KAZN: variants seen among roughly 807,000 people sequenced by gnomAD.
The protein encoded by KAZN is kazrin.
A neutral mutation model predicts 87.4 loss-of-function variants in KAZN; 40 were observed. The observed-to-expected ratio is 0.46, with a 90% CI of 0.36 to 0.60. The LOEUF (loss-of-function observed/expected upper bound fraction) is 0.60. Among genes scored for constraint, KAZN ranks in the 20% least tolerant of loss-of-function variants. The pLI is 0.00. For missense variants in KAZN, 898 were observed against 1,073.9 expected (o/e 0.84, Z 2.29); for synonymous variants, 466 against 458.3 (o/e 1.02, Z -0.22).
intron 2 of KAZN, among the ~76,000 whole-genome samples, chr1:14,325,132 C>T (rs1185471639): frequency 1.3e-5 from 2 of 152,170 alleles, no homozygotes; most frequent in East Asian, 3.9e-4. Context: ...ACCCCCACTA[C>T]CTCCACTAGC....
At chr1:14,303,188 C>A (rs1654681129) in intron 2 of KAZN, among the ~76,000 whole-genome samples, 2 of 152,254 alleles carry the variant, frequency 1.3e-5, no homozygotes, top group South Asian at 4.2e-4. Context: ...CTAGCTGTGT[C>A]AAAATCATCT....
intron 1 of KAZN, among the ~76,000 whole-genome samples, chr1:14,666,098 A>T (rs1639533858): frequency 6.6e-6 from 1 of 152,016 alleles, no homozygotes; most frequent in Non-Finnish European, 1.5e-5. Flanking sequence ...AGCAATATCT[A>T]TAATGACGGA....
intron 1 of KAZN, among the ~76,000 whole-genome samples, chr1:13,965,695 C>T (rs965165292): frequency 1.3e-5 from 2 of 152,152 alleles, no homozygotes; most frequent in African/African-American, 4.8e-5. Context: ...GAATTCACTC[C>T]GCAGCGACTT....
At chr1:14,825,943 G>T (rs772621758) in intron 1 of KAZN, among the ~76,000 whole-genome samples, 1 of 152,200 alleles carries the variant, frequency 6.6e-6, no homozygotes, top group Non-Finnish European at 1.5e-5. Context: ...AGGCCAGCAC[G>T]TAGCAGGTGC....
intron 1 of KAZN, among the ~76,000 whole-genome samples, chr1:14,635,040 G>T (rs762454038): frequency 1.3e-5 from 2 of 152,178 alleles, no homozygotes; most frequent in Non-Finnish European, 2.9e-5. Context: ...TGAGGGGGAA[G>T]GGAATGGTAC....
chr1:14,665,506 C>T (rs565760004), intron 1 of KAZN, among the ~76,000 whole-genome samples: 4 of 152,106 alleles, frequency 2.6e-5, no homozygotes, highest in East Asian at 3.9e-4. Flanking sequence ...AGAAGCCTGA[C>T]GTCACCAGAG....
intron 2 of KAZN, among the ~76,000 whole-genome samples, chr1:14,588,742 C>G (rs576448039): frequency 6.6e-6 from 1 of 152,196 alleles, no homozygotes; most frequent in East Asian, 1.9e-4. Context: ...CTTTTCTTCC[C>G]CAAAGCTGCC....
intron 2 of KAZN, among the ~76,000 whole-genome samples, chr1:14,311,718 GTGGATGGATGGA>G (rs535549756): frequency 6.6e-6 from 1 of 152,032 alleles, no homozygotes; most frequent in Non-Finnish European, 1.5e-5. Flanking sequence ...ATGGATGGGG[GTGGATGGATGGA>G]TGGATGGATG....
intron 1 of KAZN, among the ~76,000 whole-genome samples, chr1:14,801,434 G>A (rs1416606217): frequency 1.4e-4 from 21 of 152,176 alleles, no homozygotes; most frequent in Non-Finnish European, 2.6e-4. Flanking sequence ...AGTCCAGAGA[G>A]TGGCTGGGTC....
At chr1:14,390,919 T>C (rs1251592143) in intron 2 of KAZN, among the ~76,000 whole-genome samples, 1 of 152,226 alleles carries the variant, frequency 6.6e-6, no homozygotes, top group Non-Finnish European at 1.5e-5. Context: ...ACCTAAGTTT[T>C]GAAGGGTACA....
chr1:14,487,015 G>A (rs904078236), intron 2 of KAZN, among the ~76,000 whole-genome samples: 1 of 152,152 alleles, frequency 6.6e-6, no homozygotes, highest in Non-Finnish European at 1.5e-5. Flanking sequence ...GCTATTTTTT[G>A]GTAGGGCTGA....
intron 1 of KAZN, among the ~76,000 whole-genome samples, chr1:14,801,737 G>A (rs1179998407): frequency 6.6e-6 from 1 of 151,178 alleles, no homozygotes; most frequent in East Asian, 2.0e-4. Context: ...AGGCTGGAGT[G>A]CAGTGGCTTG....
intron 2 of KAZN, among the ~76,000 whole-genome samples, chr1:15,016,356 G>A (rs1670100235): frequency 6.6e-6 from 1 of 152,172 alleles, no homozygotes; most frequent in South Asian, 2.1e-4. Flanking sequence ...CGCGATCTCA[G>A]CCCACTGCAA....
At chr1:14,903,291 C>T (rs937438137) in intron 1 of KAZN, among the ~76,000 whole-genome samples, 3 of 152,230 alleles carry the variant, frequency 2.0e-5, no homozygotes, top group Non-Finnish European at 2.9e-5. Context: ...ACCCAAACTA[C>T]GTTTCAAGAA....
intron 8 of KAZN, among the ~76,000 whole-genome samples, chr1:15,072,624 A>G (rs1639563599): frequency 1.3e-5 from 2 of 152,060 alleles, no homozygotes; most frequent in African/African-American, 4.8e-5. Flanking sequence ...CCAGACACTC[A>G]CTCGTATAAT....
intron 1 of KAZN, among the ~76,000 whole-genome samples, chr1:14,064,383 G>A (rs943688891): frequency 4.6e-5 from 7 of 152,110 alleles, no homozygotes; most frequent in African/African-American, 1.2e-4. Context: ...ACGGTCAACC[G>A]GTGTCTACCT....
intron 1 of KAZN, among the ~76,000 whole-genome samples, chr1:14,147,805 A>C (rs1645385583): frequency 6.7e-6 from 1 of 150,266 alleles, no homozygotes; most frequent in South Asian, 2.1e-4. Context: ...AAAAAAAAAA[A>C]ACAACAAAAA....
chr1:14,919,649 A>G (rs1239823208), intron 1 of KAZN, among the ~76,000 whole-genome samples: 2 of 152,250 alleles, frequency 1.3e-5, no homozygotes, highest in African/African-American at 4.8e-5. Context: ...GTGTTTGGAG[A>G]TAGTAACATG....
At chr1:14,381,182 A>AG (rs1399759264) in intron 2 of KAZN, among the ~76,000 whole-genome samples, 3 of 152,200 alleles carry the variant, frequency 2.0e-5, no homozygotes, top group African/African-American at 7.2e-5. Context: ...ATAATGACAA[A>AG]GGGATTGATA....
Sources: gnomAD v4.1 joint callset for allele counts (sites outside exome capture counted in the v4.1 genomes callset) on GRCh38, gnomAD v4.1.1 for gene constraint, MANE v1.5 for transcripts, NCBI Gene and HGNC (gene_info 2026-07-23, HGNC 2026-07-21) for gene names.